PXK: variants seen among roughly 807,000 people sequenced by gnomAD.
PXK encodes PX domain containing serine/threonine kinase like.
A neutral mutation model predicts 84.7 loss-of-function variants in PXK; 35 were observed. The observed-to-expected ratio is 0.41, with a 90% CI of 0.32 to 0.55. The LOEUF is 0.55. Among genes scored for constraint, PXK ranks in the 20% least tolerant of loss-of-function variants. The probability of loss-of-function intolerance (pLI) is 0.21; values close to 1 mark genes in which losing one functional copy is unlikely to be tolerated. For missense variants in PXK, 634 were observed against 699.7 expected (o/e 0.91, Z 1.06); for synonymous variants, 253 against 260.8 (o/e 0.97, Z 0.29).
At chr3:58,365,372 A>AAT (rs1255094384) in intron 1 of PXK, among the ~76,000 whole-genome samples, 2 of 152,106 alleles carry the variant, frequency 1.3e-5, no homozygotes, top group African/African-American at 4.8e-5. Flanking sequence ...GGTTCTTTTA[A>AAT]ATATTTTGAG....
In PXK at chr3:58,397,189, A is replaced by C; in HGVS notation, c.973A>C (p.Arg325=). 1 of 1,614,062 alleles carries C rather than the reference A, an allele frequency of 6.2e-7. No individual in the cohort carries two copies. Among genetic ancestry groups the C allele is most frequent in the Non-Finnish European group, 8.5e-7 (1 of 1,179,964 alleles). The change falls in exon 10 of 18, where the codon AGG becomes CGG. Residue 325 remains arginine (R), a synonymous_variant. Coordinates refer to ENST00000356151, the MANE Select transcript of PXK (RefSeq NM_017771.5). This position sits in a 1 kb window ranked among gnomAD's most constrained non-coding sequence, Gnocchi z 4.7. ...CTACCGATCTTATTTTTCACAATTC[A>C]GGAAAATCAATGTAAGTTGCTAAAG... ...SFYRSYFSQF[R]KINTLESVDV...
At chr3:58,356,499 T>TAG (rs149619207) in intron 1 of PXK, among the ~76,000 whole-genome samples, 20,805 of 152,084 alleles carry the variant, frequency 0.14, 2,262 homozygotes, top group African/African-American at 0.3. Context: ...GCTCAGGAGG[T>TAG]AGAGGCCTGA....
chr3:58,366,998 T>C (rs1241717087), intron 2 of PXK, among the ~76,000 whole-genome samples: 1 of 152,202 alleles, frequency 6.6e-6, no homozygotes, highest in Non-Finnish European at 1.5e-5. Flanking sequence ...CCAACAGCAG[T>C]GTCCTACCAG....
rs886905627 is a variant in PXK at position 58,409,391 on chromosome 3, G to A, written c.1309-141G>A. 17 of 795,730 alleles carry A rather than the reference G, an allele frequency of 2.1e-5. No individual in the cohort carries two copies. Among genetic ancestry groups the A allele is most frequent in the African/African-American group, 1.9e-4 (11 of 56,546 alleles). 49.3% of individuals were successfully genotyped at this position (795,730 alleles called of 1,614,324 possible). On this transcript the variant is annotated intron_variant, in intron 14 of 17. Transcript: ENST00000356151. The surrounding 1 kb of genome is among the most constrained non-coding windows in gnomAD (Gnocchi z 4.2). The stretch of plus-strand genomic sequence containing the variant: ...ACTCCTCTACCTGGCATCCAGACCC[G>A]AGCCAGGAAGTAGACAGCCTGAGCA...
At chr3:58,366,064 T>G in intron 2 of PXK, 140 bp downstream of exon 2, 2 of 752,742 alleles carry the variant, frequency 2.7e-6, no homozygotes, top group Non-Finnish European at 4.1e-6. Context: ...CTATAAACTT[T>G]TAGCTTTAAG....
chr3:58,386,977 T>A (rs576161555), intron 4 of PXK, among the ~76,000 whole-genome samples: 35 of 152,082 alleles, frequency 2.3e-4, no homozygotes, highest in Non-Finnish European at 4.6e-4. Context: ...GCAGGGTATT[T>A]GGTGAGGTTG....
intron 4 of PXK, among the ~76,000 whole-genome samples, chr3:58,387,591 C>A (rs953951762): frequency 2.0e-5 from 3 of 152,060 alleles, no homozygotes; most frequent in Non-Finnish European, 4.4e-5. Context: ...CATTCCTACA[C>A]GGAGATCTGA....
Position 58,421,974 on chromosome 3 carries a change from A to G in PXK, c.1529-2778A>G, listed in dbSNP as rs564103151. 6.1e-6 allele frequency: 6 copies of G among 985,384 alleles called. No individual in the cohort carries two copies. The African/African-American group carries it at 1.0e-4, about 17-fold the overall frequency. 61.0% of individuals were successfully genotyped at this position (985,384 alleles called of 1,614,324 possible). On this transcript the variant is annotated intron_variant, in intron 17 of 17. Coordinates refer to ENST00000356151, the MANE Select transcript of PXK (RefSeq NM_017771.5). The surrounding 1 kb of genome is among the most constrained non-coding windows in gnomAD (Gnocchi z 5.5). ...GGGTATTGGAGGTCTCTTGGCAGGA[A>G]GGCCTCATTCACATCTGAGGGGTGG...
chr3:58,384,190 G>A (rs2098531317), intron 4 of PXK, among the ~76,000 whole-genome samples: 1 of 152,194 alleles, frequency 6.6e-6, no homozygotes, highest in Non-Finnish European at 1.5e-5. Context: ...CTGACCAGCA[G>A]CATTGGCATC....
chr3:58,335,354 T>G (rs1038688326), intron 1 of PXK, among the ~76,000 whole-genome samples: 1 of 152,202 alleles, frequency 6.6e-6, no homozygotes, highest in African/African-American at 2.4e-5. Flanking sequence ...CTTGTCATTT[T>G]AGCTGTAAAG....
Position 58,421,195 on chromosome 3 carries a change from T to G in PXK, c.1529-3557T>G. ...ACCCTAGTGTGGTCTCATGGCCACT[T>G]GGCCTCCCTTCCTGTATGTGACCAC... On this transcript the variant is annotated intron_variant, in intron 17 of 17. Transcript: ENST00000356151. The surrounding 1 kb of genome is among the most constrained non-coding windows in gnomAD (Gnocchi z 5.5). The G allele has an allele frequency of 1.0e-6, 1 of 985,410 alleles. No individual in the cohort carries two copies. The allele number at this position is 985,410 out of a possible 1,614,324, so 61.0% of individuals were successfully genotyped here.
At chr3:58,423,195 T>C (rs2062203376) in intron 17 of PXK, 1 of 984,456 alleles carries the variant, frequency 1.0e-6, no homozygotes, top group African/African-American at 1.7e-5. Context: ...TCACACATGC[T>C]TATTCTCCGT....
intron 1 of PXK, among the ~76,000 whole-genome samples, chr3:58,346,187 C>A (rs939704245): frequency 1.3e-5 from 2 of 152,014 alleles, no homozygotes; most frequent in Non-Finnish European, 2.9e-5. Flanking sequence ...AATTGTGGGG[C>A]CTCTTGGATG....
At chr3:58,337,165 A>G (rs990141452) in intron 1 of PXK, among the ~76,000 whole-genome samples, 1 of 152,180 alleles carries the variant, frequency 6.6e-6, no homozygotes, top group Non-Finnish European at 1.5e-5. Flanking sequence ...GGGACTGTTT[A>G]TCTTCCATTT....
chr3:58,424,046 G>T lies in PXK; in HGVS notation c.1529-706G>T, dbSNP rs1249192293. ...CCACAATGGAGAGAACAGTACTTGAGAAGGATTTCTCTGTAAGAATACCAT... is the reference window on the plus strand; with the variant it reads ...CCACAATGGAGAGAACAGTACTTGATAAGGATTTCTCTGTAAGAATACCAT... On this transcript the variant is annotated intron_variant, in intron 17 of 17. Transcript: ENST00000356151. Among the ~76,000 whole-genome samples the T allele has an allele frequency of 2.0e-5, 3 of 152,180 alleles. No homozygotes were observed. In the East Asian group the frequency reaches 5.8e-4, roughly 29 times the overall value.
chr3:58,390,668 T>C lies in PXK; in HGVS notation c.466+9T>C, dbSNP rs766883671. 2 of 1,608,540 alleles carry C rather than the reference T, an allele frequency of 1.2e-6. No homozygotes were observed. The highest frequency in any genetic ancestry group is 1.7e-5 in the Admixed American group (1 of 59,476). On this transcript the variant is annotated intron_variant, in intron 5 of 17. Transcript: ENST00000356151. The surrounding 1 kb of genome is among the most constrained non-coding windows in gnomAD (Gnocchi z 4.2). ...ACCTTTGAAAGACATAGGTGAGACATTGGCACGCTCATTCTGTTAAAAAGA... is the reference window on the plus strand; with the variant it reads ...ACCTTTGAAAGACATAGGTGAGACACTGGCACGCTCATTCTGTTAAAAAGA...
chr3:58,390,233 G>T lies in PXK; in HGVS notation c.389-349G>T, dbSNP rs2098612398. On this transcript the variant is annotated intron_variant, in intron 4 of 17. Coordinates refer to ENST00000356151, the MANE Select transcript of PXK (RefSeq NM_017771.5). The surrounding 1 kb of genome is among the most constrained non-coding windows in gnomAD (Gnocchi z 4.2). ...AGTTGCAATGATAGTACAGAAAATT[G>T]CCATATACTTCTCACCCAGTTTCTC... 6.6e-6 allele frequency among the ~76,000 whole-genome samples: 1 copy of T among 151,850 alleles called. No individual in the cohort carries two copies. Among genetic ancestry groups the T allele is most frequent in the Admixed American group, 6.6e-5 (1 of 15,220 alleles).
chr3:58,422,905 C>T (rs1166629639), intron 17 of PXK: 16 of 985,318 alleles, frequency 1.6e-5, no homozygotes, highest in Non-Finnish European at 1.7e-5. Flanking sequence ...GGGGTCAAAG[C>T]ACAAACCTGG....
chr3:58,381,707 T>C (rs1198949059), intron 3 of PXK, among the ~76,000 whole-genome samples: 1 of 152,124 alleles, frequency 6.6e-6, no homozygotes, highest in Non-Finnish European at 1.5e-5. Context: ...AGGGACAGGA[T>C]GTGTGTGAGA....
Sources: gnomAD v4.1 joint callset for allele counts (sites outside exome capture counted in the v4.1 genomes callset) on GRCh38, gnomAD v4.1.1 for gene constraint, Gnocchi (gnomAD v3.1) non-coding constraint, MANE v1.5 for transcripts, NCBI Gene and HGNC (gene_info 2026-07-23, HGNC 2026-07-21) for gene names.